CADPS: variants seen among roughly 807,000 people sequenced by gnomAD.
CADPS encodes the protein calcium-dependent secretion activator 1.
A neutral mutation model predicts 167.3 loss-of-function variants in CADPS; 57 were observed. That is an observed-to-expected ratio of 0.34 (90% CI 0.28 to 0.42). CADPS has a LOEUF of 0.42. CADPS is among the 20% of genes least tolerant of loss of function. The pLI is 1.00. For synonymous variants in CADPS, 676 were observed against 635.3 expected, an observed-to-expected ratio of 1.06 and a Z score of -0.96; for missense variants, 1,414 against 1,738.1, an observed-to-expected ratio of 0.81 and a Z score of 3.32.
In CADPS at chr3:62,659,087, C is replaced by T. The variant is rs116015034; in HGVS notation, c.969+3227G>A. The stretch of plus-strand genomic sequence containing the variant: ...TTATTTGCAATCAAAAGTGCTCTAC[C>T]CATCTTTTAATTCAGAGAACGGAGT... On this transcript the variant is annotated intron_variant, in intron 4 of 29. Coordinates refer to ENST00000383710, the MANE Select transcript of CADPS (RefSeq NM_003716.4). Among the ~76,000 whole-genome samples, 951 of 152,186 alleles carry T rather than the reference C, an allele frequency of 6.2e-3. 8 individuals carry two copies. The highest frequency in any genetic ancestry group is 7.7e-3 in the Non-Finnish European group (526 of 68,008).
chr3:62,470,369 A>C (rs1220591723), intron 24 of CADPS, among the ~76,000 whole-genome samples: 1 of 152,254 alleles, frequency 6.6e-6, no homozygotes, highest in Non-Finnish European at 1.5e-5. Context: ...TACAAACTAC[A>C]TAAAAACATT....
At chr3:62,687,029 C>T (rs567560680) in intron 3 of CADPS, among the ~76,000 whole-genome samples, 1 of 152,150 alleles carries the variant, frequency 6.6e-6, no homozygotes, top group Non-Finnish European at 1.5e-5. Context: ...AGTAGCACAT[C>T]TGCAGCAGCT....
At chr3:62,619,770 G>T (rs2062875939) in intron 6 of CADPS, among the ~76,000 whole-genome samples, 1 of 152,116 alleles carries the variant, frequency 6.6e-6, no homozygotes, top group Admixed American at 6.5e-5. Flanking sequence ...ATTTGTTTAG[G>T]TTTTTGAAGT....
chr3:62,559,608 C>G (rs2078792023), intron 9 of CADPS, among the ~76,000 whole-genome samples: 1 of 152,076 alleles, frequency 6.6e-6, no homozygotes, highest in Non-Finnish European at 1.5e-5. Context: ...GATTTTCCTG[C>G]CTCAGCCTCC....
intron 4 of CADPS, among the ~76,000 whole-genome samples, chr3:62,655,159 A>G (rs1027020651): frequency 5.3e-5 from 8 of 152,216 alleles, no homozygotes; most frequent in Non-Finnish European, 1.0e-4. Flanking sequence ...AAGGAAAACA[A>G]GGACATTTTT....
intron 3 of CADPS, among the ~76,000 whole-genome samples, chr3:62,744,805 T>A (rs777002847): frequency 4.2e-4 from 64 of 152,324 alleles, no homozygotes; most frequent in Non-Finnish European, 7.9e-4. Flanking sequence ...GAAGGCTGCA[T>A]AGAAAATGCC....
chr3:62,855,256 A>G (rs774928893), intron 1 of CADPS, among the ~76,000 whole-genome samples: 3 of 151,886 alleles, frequency 2.0e-5, no homozygotes, highest in Non-Finnish European at 4.4e-5. Context: ...AAAATGGATT[A>G]TTTAGAATGA....
At chr3:62,520,575 CTTTTA>C (rs1034241637) in intron 13 of CADPS, among the ~76,000 whole-genome samples, 1 of 152,050 alleles carries the variant, frequency 6.6e-6, no homozygotes, top group African/African-American at 2.4e-5. Flanking sequence ...AGCGCGACAA[CTTTTA>C]TTTTAAATAA....
At chr3:62,660,884 C>T (rs373306503) in intron 4 of CADPS, among the ~76,000 whole-genome samples, 18 of 152,216 alleles carry the variant, frequency 1.2e-4, no homozygotes, top group South Asian at 8.3e-4. Context: ...GACATAAGCC[C>T]GGTGCCAGCC....
chr3:62,605,948 T>G (rs1315400771), intron 6 of CADPS, among the ~76,000 whole-genome samples: 1 of 152,142 alleles, frequency 6.6e-6, no homozygotes, highest in Non-Finnish European at 1.5e-5. Context: ...AATCGGGGCT[T>G]GAATTTGGGT....
At chr3:62,673,013 T>C (rs950150226) in intron 3 of CADPS, among the ~76,000 whole-genome samples, 2 of 152,194 alleles carry the variant, frequency 1.3e-5, no homozygotes, top group Non-Finnish European at 2.9e-5. Context: ...CAAGGTCACC[T>C]CTTCTAGGCC....
chr3:62,412,032 CA>C lies in CADPS; in HGVS notation c.3778-8848del, dbSNP rs1361261992. Among the ~76,000 whole-genome samples, 1 of 152,042 alleles carries C rather than the reference CA, an allele frequency of 6.6e-6. No individual in the cohort carries two copies. Among genetic ancestry groups the C allele is most frequent in the African/African-American group, 2.4e-5 (1 of 41,382 alleles). On this transcript the variant is annotated intron_variant, in intron 28 of 29. Transcript: ENST00000383710. This position sits in a 1 kb window ranked among gnomAD's most constrained non-coding sequence, Gnocchi z 4.1. ...CTAACAGCACAAAGCTATAATCAGACACCAAAGCTATAATCAGACACCGAAG... is the reference window on the plus strand; with the variant it reads ...CTAACAGCACAAAGCTATAATCAGACCCAAAGCTATAATCAGACACCGAAG...
chr3:62,444,012 T>C (rs1479830202), intron 27 of CADPS, among the ~76,000 whole-genome samples: 1 of 152,180 alleles, frequency 6.6e-6, no homozygotes, highest in Non-Finnish European at 1.5e-5. Context: ...TTTGACTTCT[T>C]TGACCTCACC....
At chr3:62,619,928 C>T (rs1044852892) in intron 6 of CADPS, among the ~76,000 whole-genome samples, 2 of 152,134 alleles carry the variant, frequency 1.3e-5, no homozygotes, top group Non-Finnish European at 2.9e-5. Context: ...CTTCAGGACA[C>T]ATCTCTTGGT....
chr3:62,477,987 G>T, intron 23 of CADPS: 1 of 408,290 alleles, frequency 2.4e-6, no homozygotes, highest in Admixed American at 3.5e-5. Flanking sequence ...CTAGATATCA[G>T]GGATACAAAA....
intron 11 of CADPS, among the ~76,000 whole-genome samples, chr3:62,546,593 A>G (rs1164964022): frequency 6.6e-6 from 1 of 152,176 alleles, no homozygotes; most frequent in African/African-American, 2.4e-5. Flanking sequence ...TTCAGTATCC[A>G]AGGGTTCTGC....
At chr3:62,644,316 C>T (rs968638000) in intron 6 of CADPS, among the ~76,000 whole-genome samples, 3 of 152,022 alleles carry the variant, frequency 2.0e-5, no homozygotes, top group African/African-American at 7.2e-5. Context: ...ATGGGCTTAA[C>T]TGAGATAGAA....
intron 1 of CADPS, among the ~76,000 whole-genome samples, chr3:62,809,237 C>T (rs1322161036): frequency 3.9e-5 from 6 of 152,256 alleles, no homozygotes; most frequent in East Asian, 1.9e-4. Context: ...TATTGAATCA[C>T]GTTGCTCCTC....
chr3:62,779,729 C>A (rs2152633124), intron 1 of CADPS: 1 of 400,704 alleles, frequency 2.5e-6, no homozygotes, highest in South Asian at 2.1e-5. Flanking sequence ...GTTTTCCAGC[C>A]TAAGGTCCAA....
Sources: allele counts gnomAD v4.1 joint callset (sites outside exome capture counted in the v4.1 genomes callset), GRCh38; gene constraint gnomAD v4.1.1; non-coding constraint Gnocchi (gnomAD v3.1); transcripts MANE v1.5; gene names NCBI Gene and HGNC (gene_info 2026-07-23, HGNC 2026-07-21).